The following CERS6 variants were observed in gnomAD, a reference collection of about 807,000 sequenced individuals.
The protein encoded by CERS6 is ceramide synthase 6.
Under a neutral mutation model 56.8 loss-of-function variants are expected in CERS6, and 26 were observed. The ratio of observed to expected loss-of-function variants is 0.46; its 90% confidence interval spans 0.34 to 0.63. The LOEUF (loss-of-function observed/expected upper bound fraction) is 0.63. Among genes scored for constraint, CERS6 ranks in the 30% least tolerant of loss-of-function variants. CERS6 has a pLI of 0.01. For synonymous variants in CERS6, 164 were observed against 173.3 expected (o/e 0.95, Z 0.42); for missense variants, 415 against 467.5 (o/e 0.89, Z 1.04).
chr2:168,716,642 T>A (rs1381845293), intron 7 of CERS6, among the ~76,000 whole-genome samples: 1 of 152,126 alleles, frequency 6.6e-6, no homozygotes, highest in Non-Finnish European at 1.5e-5. Context: ...TCTGAAAAGT[T>A]TGTGTTTAAA....
At chr2:168,563,302 A>G (rs919380106) in intron 3 of CERS6, among the ~76,000 whole-genome samples, 2 of 152,242 alleles carry the variant, frequency 1.3e-5, no homozygotes, top group Admixed American at 6.5e-5. Context: ...GCATACCACA[A>G]TAAATAAGAC....
intron 4 of CERS6, among the ~76,000 whole-genome samples, chr2:168,669,229 G>A (rs141721725): frequency 6.6e-6 from 1 of 152,216 alleles, no homozygotes; most frequent in African/African-American, 2.4e-5. Flanking sequence ...CCTGGTGCAA[G>A]ATGGCTGCTG....
At chr2:168,548,825 G>A (rs968113061) in intron 2 of CERS6, among the ~76,000 whole-genome samples, 1 of 152,052 alleles carries the variant, frequency 6.6e-6, no homozygotes, top group Non-Finnish European at 1.5e-5. Context: ...AATTAAGAAA[G>A]TACCAGGTGT....
chr2:168,637,372 C>T (rs530592827), intron 4 of CERS6, among the ~76,000 whole-genome samples: 60 of 152,226 alleles, frequency 3.9e-4, no homozygotes, highest in African/African-American at 1.2e-3. Context: ...GTCCCAGCTA[C>T]TCAGGAGGCT....
intron 8 of CERS6, among the ~76,000 whole-genome samples, chr2:168,731,925 G>A (rs1384033617): frequency 1.3e-5 from 2 of 152,258 alleles, no homozygotes; most frequent in Admixed American, 1.3e-4. Flanking sequence ...AGCACAATTT[G>A]CCAAGTCAGC....
At chr2:168,543,533 T>A (rs1178796031) in intron 1 of CERS6, among the ~76,000 whole-genome samples, 1 of 152,184 alleles carries the variant, frequency 6.6e-6, no homozygotes, top group Non-Finnish European at 1.5e-5. Context: ...ATTATAGTAG[T>A]TGTGTCATGG....
At chr2:168,485,549 A>G (rs962477740) in intron 1 of CERS6, among the ~76,000 whole-genome samples, 9 of 152,080 alleles carry the variant, frequency 5.9e-5, no homozygotes, top group African/African-American at 1.4e-4. Flanking sequence ...TCTTTTTACC[A>G]TATCTATGGT....
chr2:168,660,316 A>G (rs1002949816), intron 4 of CERS6, among the ~76,000 whole-genome samples: 4 of 152,176 alleles, frequency 2.6e-5, no homozygotes, highest in African/African-American at 7.2e-5. Flanking sequence ...GATTCTAGAG[A>G]AACGTCTCAC....
chr2:168,685,630 C>T (rs1686328621), intron 4 of CERS6, among the ~76,000 whole-genome samples: 1 of 152,026 alleles, frequency 6.6e-6, no homozygotes, highest in Admixed American at 6.6e-5. Flanking sequence ...CTTTACCCTT[C>T]TCTTAAAAAA....
At position 168,621,436 on chromosome 2, in the gene CERS6, T is replaced by C. The variant is rs544940561; in HGVS notation, c.408-9549T>C. The stretch of plus-strand genomic sequence containing the variant: ...TTTTGGTCATTCAAATGAGTGTAAA[T>C]AGACTTTAAGCTGACAATTATAAGA... On this transcript the variant is annotated intron_variant, in intron 3 of 9. Transcript: ENST00000305747. Among the ~76,000 whole-genome samples, 8 of 152,324 alleles carry C rather than the reference T, an allele frequency of 5.3e-5. No individual in the cohort carries two copies. In the East Asian group the frequency reaches 1.5e-3, roughly 29 times the overall value.
intron 1 of CERS6, among the ~76,000 whole-genome samples, chr2:168,481,218 A>C (rs1181826950): frequency 6.6e-6 from 1 of 152,216 alleles, no homozygotes; most frequent in Non-Finnish European, 1.5e-5. Context: ...GATCGAGACC[A>C]TCCTGGCTAA....
chr2:168,736,673 G>A (rs1276497939), intron 8 of CERS6, among the ~76,000 whole-genome samples: 2 of 152,218 alleles, frequency 1.3e-5, no homozygotes, highest in South Asian at 2.1e-4. Context: ...ATTGAGAAAC[G>A]TCTGACTGTT....
chr2:168,519,122 A>G (rs1240863517), intron 1 of CERS6, among the ~76,000 whole-genome samples: 2 of 152,178 alleles, frequency 1.3e-5, no homozygotes, highest in East Asian at 3.9e-4. Context: ...TTTTTAACTA[A>G]TTGAACAGTA....
Position 168,691,023 on chromosome 2 carries a change from AT to A in CERS6, c.466-4del, listed in dbSNP as rs751654250. 5.6e-6 allele frequency: 9 copies of A among 1,611,424 alleles called. No homozygotes were observed. The highest frequency in any genetic ancestry group is 7.6e-6 in the Non-Finnish European group (9 of 1,178,068). On this transcript the variant is annotated splice_polypyrimidine_tract_variant and intron_variant, in intron 4 of 9. Transcript: ENST00000305747. ...TAAAATATGTAAAATATTTTTTGTCATTTTTTTCAGACCCCCTGGTTGTGGA... is the reference window on the plus strand; with the variant it reads ...TAAAATATGTAAAATATTTTTTGTCATTTTTTCAGACCCCCTGGTTGTGGA...
intron 1 of CERS6, among the ~76,000 whole-genome samples, chr2:168,475,115 A>G (rs1394547289): frequency 2.0e-5 from 3 of 152,088 alleles, no homozygotes; most frequent in Non-Finnish European, 4.4e-5. Context: ...TCATCATATT[A>G]TCTCATCGTG....
chr2:168,618,827 T>C (rs1684389561), intron 3 of CERS6, among the ~76,000 whole-genome samples: 1 of 152,152 alleles, frequency 6.6e-6, no homozygotes, highest in Admixed American at 6.6e-5. Flanking sequence ...ACAAATTCAG[T>C]GCAATTTCCA....
intron 4 of CERS6, chr2:168,644,305 G>A: frequency 2.0e-6 from 2 of 985,020 alleles, no homozygotes; most frequent in Non-Finnish European, 1.2e-6. Flanking sequence ...GGAGGTGAAG[G>A]GGAATAATAG....
At chr2:168,638,007 T>G (rs185410840) in intron 4 of CERS6, among the ~76,000 whole-genome samples, 1 of 152,042 alleles carries the variant, frequency 6.6e-6, no homozygotes, top group Non-Finnish European at 1.5e-5. Flanking sequence ...GAGGAGGAAA[T>G]AAAAATTAAA....
intron 6 of CERS6, among the ~76,000 whole-genome samples, chr2:168,708,152 GA>G (rs956033739): frequency 6.6e-6 from 1 of 151,980 alleles, no homozygotes; most frequent in African/African-American, 2.4e-5. Context: ...TCCCTTAATG[GA>G]AAAGCTGCTT....
Sources: allele counts gnomAD v4.1 joint callset (sites outside exome capture counted in the v4.1 genomes callset), GRCh38; gene constraint gnomAD v4.1.1; transcripts MANE v1.5; gene names NCBI Gene and HGNC (gene_info 2026-07-23, HGNC 2026-07-21).